NPAS3: variants seen among roughly 807,000 people sequenced by gnomAD.
NPAS3 encodes neuronal PAS domain protein 3, also known as neuronal PAS domain-containing protein 3.
NPAS3 carries 14 observed loss-of-function variants against 73.1 expected under a neutral mutation model. The observed-to-expected ratio is 0.19, with a 90% CI of 0.13 to 0.30. The LOEUF is 0.30. NPAS3 is among the 10% of genes least tolerant of loss of function. The probability of loss-of-function intolerance (pLI) is 1.00; values close to 1 mark genes in which losing one functional copy is unlikely to be tolerated. For synonymous variants in NPAS3, 620 were observed against 541.5 expected (o/e 1.14, Z -2.01); for missense variants, 1,096 against 1,250.0 (o/e 0.88, Z 1.86).
chr14:33,560,252 CCTT>C, intron 5 of NPAS3, 42 bp downstream of exon 5: 1 of 805,782 alleles, frequency 1.2e-6, no homozygotes, highest in Non-Finnish European at 2.2e-6. Context: ...GATTATGAAG[CCTT>C]CTTCAGCCTC....
intron 4 of NPAS3, among the ~76,000 whole-genome samples, chr14:33,507,765 A>G (rs986918719): frequency 5.9e-5 from 9 of 151,904 alleles, no homozygotes; most frequent in African/African-American, 1.7e-4. Flanking sequence ...TCAAGAGTTA[A>G]TTTTTCTCTG....
chr14:33,625,436 G>A (rs1263342252), intron 5 of NPAS3, among the ~76,000 whole-genome samples: 1 of 152,150 alleles, frequency 6.6e-6, no homozygotes, highest in Non-Finnish European at 1.5e-5. Context: ...AAATGGGGAT[G>A]AATCCCTTTG....
At chr14:33,688,968 T>A (rs1393587235) in intron 6 of NPAS3, among the ~76,000 whole-genome samples, 1 of 152,240 alleles carries the variant, frequency 6.6e-6, no homozygotes, top group Non-Finnish European at 1.5e-5. Flanking sequence ...TATAGACTTT[T>A]AAAATCTGCA....
At position 33,431,017 on chromosome 14, in the gene NPAS3, AC is replaced by A. The variant is rs570892478; in HGVS notation, c.468+63750del. Among the ~76,000 whole-genome samples, 868 of 152,348 alleles carry A rather than the reference AC, an allele frequency of 5.7e-3. 5 individuals carry two copies. Among genetic ancestry groups the A allele is most frequent in the Non-Finnish European group, 8.8e-3 (598 of 68,042 alleles). Reference sequence around the variant, plus strand: ...GAAGATGAAAGCTCCTTTTACAAATACAAAGGAAAGATCAAAAGAGGAAAAA... The same window carrying A: ...GAAGATGAAAGCTCCTTTTACAAATAAAAGGAAAGATCAAAAGAGGAAAAA... On this transcript the variant is annotated intron_variant, in intron 4 of 11. Coordinates refer to ENST00000356141, the Ensembl canonical transcript of NPAS3.
At chr14:33,305,002 G>T (rs2042701512) in intron 3 of NPAS3, among the ~76,000 whole-genome samples, 1 of 152,056 alleles carries the variant, frequency 6.6e-6, no homozygotes, top group Admixed American at 6.5e-5. Flanking sequence ...ATTGGTGTGG[G>T]TGTGTCTTGA....
chr14:33,536,887 T>C (rs2054283820), intron 4 of NPAS3, among the ~76,000 whole-genome samples: 1 of 152,194 alleles, frequency 6.6e-6, no homozygotes, highest in East Asian at 1.9e-4. Context: ...TCAAATTTTC[T>C]AGACATTTGA....
intron 3 of NPAS3, among the ~76,000 whole-genome samples, chr14:33,242,088 A>G (rs936085528): frequency 1.3e-5 from 2 of 152,070 alleles, no homozygotes; most frequent in African/African-American, 4.8e-5. Flanking sequence ...CTAATAATTC[A>G]GAGAAGGTTA....
intron 3 of NPAS3, 120 bp downstream of exon 3, chr14:33,215,546 T>C: frequency 1.8e-6 from 2 of 1,095,166 alleles, no homozygotes; most frequent in East Asian, 2.4e-5. Flanking sequence ...GGGATACAAA[T>C]GTGGAAATCT....
intron 1 of NPAS3, among the ~76,000 whole-genome samples, chr14:33,043,032 T>G (rs548402529): frequency 2.6e-5 from 4 of 152,176 alleles, no homozygotes; most frequent in Non-Finnish European, 5.9e-5. Context: ...GTAGTTTTAG[T>G]TGAATGTAAT....
At chr14:32,977,558 C>T (rs371155299) in intron 1 of NPAS3, among the ~76,000 whole-genome samples, 3 of 152,078 alleles carry the variant, frequency 2.0e-5, no homozygotes, top group Non-Finnish European at 4.4e-5. Flanking sequence ...ATAGAAAGAC[C>T]GTGTCTCTAC....
At chr14:33,360,485 C>T (rs748106131) in intron 3 of NPAS3, among the ~76,000 whole-genome samples, 1 of 152,176 alleles carries the variant, frequency 6.6e-6, no homozygotes, top group Non-Finnish European at 1.5e-5. Flanking sequence ...AGGAAATTCT[C>T]ATTTCTTTCA....
intron 1 of NPAS3, among the ~76,000 whole-genome samples, chr14:32,988,540 TG>T (rs2038188938): frequency 6.6e-6 from 1 of 152,218 alleles, no homozygotes; most frequent in Admixed American, 6.5e-5. Flanking sequence ...AGCTTTCAAC[TG>T]GTCTGTTGTT....
At chr14:33,645,863 A>C (rs1477232613) in intron 5 of NPAS3, among the ~76,000 whole-genome samples, 3 of 152,220 alleles carry the variant, frequency 2.0e-5, no homozygotes, top group African/African-American at 7.2e-5. Context: ...GAAGCACTAC[A>C]TGAGTGCATG....
rs532354986 is a variant in NPAS3, at chr14:33,282,205, T to A, written c.385+66779T>A. 1.9e-4 allele frequency among the ~76,000 whole-genome samples: 29 copies of A among 152,372 alleles called. 1 individual carries two copies. The highest frequency in any genetic ancestry group is 1.4e-3 in the Admixed American group (21 of 15,292). The stretch of plus-strand genomic sequence containing the variant: ...TTTTGGATTGTCATTGTTTGTTCAG[T>A]TATAAAGTGGCTTGTTGACACCAAA... On this transcript the variant is annotated intron_variant, in intron 3 of 11. Transcript: ENST00000356141.
chr14:33,535,103 C>A, intron 4 of NPAS3, among the ~76,000 whole-genome samples: 1 of 152,136 alleles, frequency 6.6e-6, no homozygotes, highest in East Asian at 1.9e-4. Flanking sequence ...GCTGTTTGAG[C>A]CTTTATCATA....
chr14:33,631,272 G>A (rs1227638243), intron 5 of NPAS3, among the ~76,000 whole-genome samples: 2 of 152,194 alleles, frequency 1.3e-5, no homozygotes, highest in African/African-American at 4.8e-5. Context: ...TACGTAATGT[G>A]TAGTCTAAAA....
At chr14:33,178,471 A>G (rs1297211216) in intron 2 of NPAS3, among the ~76,000 whole-genome samples, 1 of 152,206 alleles carries the variant, frequency 6.6e-6, no homozygotes, top group Non-Finnish European at 1.5e-5. Context: ...TATTTTTAAT[A>G]ATATAAATTT....
intron 7 of NPAS3, among the ~76,000 whole-genome samples, chr14:33,752,419 A>G (rs2061990667): frequency 1.3e-5 from 2 of 152,152 alleles, no homozygotes; most frequent in African/African-American, 4.8e-5. Context: ...AGATCTCAGG[A>G]TAGAAGGGGA....
At chr14:33,679,630 G>A (rs868024211) in intron 6 of NPAS3, among the ~76,000 whole-genome samples, 1 of 152,190 alleles carries the variant, frequency 6.6e-6, no homozygotes, top group Admixed American at 6.5e-5. Context: ...GGACTAGTAG[G>A]TATGGAATTT....
Sources: allele counts gnomAD v4.1 joint callset (sites outside exome capture counted in the v4.1 genomes callset), GRCh38; gene constraint gnomAD v4.1.1; transcripts MANE v1.5; gene names NCBI Gene and HGNC (gene_info 2026-07-23, HGNC 2026-07-21).